Variants in KNL1 observed in about 807,000 individuals in gnomAD.
KNL1 encodes kinetochore scaffold 1, also known as outer kinetochore KNL1 complex subunit KNL1.
KNL1 carries 66 observed loss-of-function variants against 201.3 expected under a neutral mutation model. That is an observed-to-expected ratio of 0.33 (90% CI 0.27 to 0.40). The LOEUF (loss-of-function observed/expected upper bound fraction) is 0.40, where lower values mean the gene tolerates loss of function less well. Ranked by LOEUF, KNL1 falls within the 10% of genes least tolerant of loss-of-function variation. The probability of loss-of-function intolerance (pLI) is 1.00; values close to 1 mark genes in which losing one functional copy is unlikely to be tolerated. For synonymous variants in KNL1, 895 were observed against 899.2 expected (o/e 1.00, Z 0.08); for missense variants, 2,815 against 2,690.5 (o/e 1.05, Z -1.02).
At chr15:40,658,561 C>CAAAAAAAA (rs35180053) in intron 24 of KNL1, among the ~76,000 whole-genome samples, 5 of 74,144 alleles carry the variant, frequency 6.7e-5, no homozygotes, top group Non-Finnish European at 9.7e-5. Flanking sequence ...GAATCTGTCT[C>CAAAAAAAA]AAAAAAAAAA....
Position 40,623,658 on chromosome 15 carries a change from C to T in KNL1, c.3394C>T (p.His1132Tyr). 1 of 1,613,776 alleles carries T rather than the reference C, an allele frequency of 6.2e-7. No homozygotes were observed. Among genetic ancestry groups the T allele is most frequent in the African/African-American group, 1.3e-5 (1 of 74,982 alleles). ...GGATGACATGGAGATCACTAGGAGT[C>T]ACACAACTGCCTTAGAATGTAAAAC... Reference protein sequence around the residue: ...GQDDMEITRSHTTALECKTLL... With the variant: ...GQDDMEITRSYTTALECKTLL... Residue 1132 changes from histidine (H) to tyrosine (Y), a missense_variant, in exon 10 of 26, where the codon CAC (histidine) becomes TAC (tyrosine). Physicochemically the swap from His to Tyr is moderately conservative, Grantham distance 83. This residue lies in a region of KNL1 where 2,464 missense variants were observed against 2,291.7 expected (regional missense o/e 1.08). Coordinates refer to ENST00000399668, the MANE Select transcript of KNL1 (RefSeq NM_144508.5).
chr15:40,662,156 G>A lies in KNL1; in HGVS notation c.6919G>A (p.Asp2307Asn). The A allele has an allele frequency of 6.2e-7, 1 of 1,611,158 alleles. No homozygotes were observed. Among genetic ancestry groups the A allele is most frequent in the Admixed American group, 1.7e-5 (1 of 59,988 alleles). Residue 2307 changes from aspartate (D) to asparagine (N), a missense_variant, in exon 26 of 26, where the codon GAT (aspartate) becomes AAT (asparagine). This residue lies in a region of KNL1 where 334 missense variants were observed against 362.6 expected (regional missense o/e 0.92). Coordinates refer to ENST00000399668, the MANE Select transcript of KNL1 (RefSeq NM_144508.5). The part of the protein sequence containing the change: ...LKNVVKQIYQ[D>N]LFQDCHFYH ...GAATGTAGTCAAGCAAATTTACCAA[G>A]ATCTGTTTCAGGACTGCCATTTCTA...
At chr15:40,658,874 G>A (rs1893818786) in intron 24 of KNL1, among the ~76,000 whole-genome samples, 1 of 150,544 alleles carries the variant, frequency 6.6e-6, no homozygotes, top group African/African-American at 2.4e-5. Context: ...AGGTTGCAGT[G>A]AGCCGAGATT....
chr15:40,634,923 A>G lies in KNL1; in HGVS notation c.5682+5552A>G, dbSNP rs528373780. Among the ~76,000 whole-genome samples, 3 of 152,336 alleles carry G rather than the reference A, an allele frequency of 2.0e-5. No individual in the cohort carries two copies. In the South Asian group the frequency reaches 6.2e-4, roughly 32 times the overall value. ...AAATATATCTGGGAACAAACCTATC[A>G]AAATGGAAAGAGTTCAGGGTACTTC... On this transcript the variant is annotated intron_variant, in intron 13 of 25. Coordinates refer to ENST00000399668, the MANE Select transcript of KNL1 (RefSeq NM_144508.5).
chr15:40,651,559 C>T lies in KNL1; in HGVS notation c.6301C>T (p.Leu2101=). ...ACAAAGAAATAGAACTGAAGAGCTA[C>T]TGGATCAGTTGAGGTAAGGAAATGC... ...QKQRNRTEEL[L]DQLSLSEWDV... The change falls in exon 20 of 26, where the codon CTG becomes TTG. Residue 2101 remains leucine, a synonymous_variant. Coordinates refer to ENST00000399668, the MANE Select transcript of KNL1 (RefSeq NM_144508.5). 6.2e-7 allele frequency: 1 copy of T among 1,606,302 alleles called. No individual in the cohort carries two copies. Among genetic ancestry groups the T allele is most frequent in the South Asian group, 1.1e-5 (1 of 89,844 alleles).
At chr15:40,613,260 T>C (rs1210577782) in intron 7 of KNL1, among the ~76,000 whole-genome samples, 1 of 152,166 alleles carries the variant, frequency 6.6e-6, no homozygotes, top group Admixed American at 6.5e-5. Context: ...AGCGTGTGTG[T>C]GTGTGTGTAT....
At chr15:40,654,208 T>A (rs1893653012) in intron 21 of KNL1, among the ~76,000 whole-genome samples, 1 of 152,202 alleles carries the variant, frequency 6.6e-6, no homozygotes, top group Non-Finnish European at 1.5e-5. Flanking sequence ...CTATCTCAGC[T>A]ACCTAAAATG....
intron 6 of KNL1, among the ~76,000 whole-genome samples, chr15:40,611,219 C>G (rs1457436301): frequency 1.3e-5 from 2 of 151,756 alleles, no homozygotes; most frequent in Non-Finnish European, 2.9e-5. Context: ...AGCAATTCTC[C>G]TACCTCAGCC....
chr15:40,628,889 C>T (rs1413901433), intron 12 of KNL1, among the ~76,000 whole-genome samples: 1 of 151,944 alleles, frequency 6.6e-6, no homozygotes, highest in Non-Finnish European at 1.5e-5. Flanking sequence ...TTTGTTTTGG[C>T]CGGGCATGGT....
chr15:40,629,161 A>G, intron 12 of KNL1, 112 bp from the exon 13 acceptor site: 1 of 567,146 alleles, frequency 1.8e-6, no homozygotes, highest in South Asian at 2.7e-5. Context: ...TATCTGGATA[A>G]TATTTCCATA....
At position 40,624,133 on chromosome 15, in the gene KNL1, G is replaced by A; in HGVS notation, c.3869G>A (p.Ser1290Asn). 1.2e-6 allele frequency: 2 copies of A among 1,614,060 alleles called. No individual in the cohort carries two copies. The highest frequency in any genetic ancestry group is 1.7e-6 in the Non-Finnish European group (2 of 1,179,952). Residue 1290 changes from serine (S) to asparagine (N), a missense_variant, in exon 10 of 26, where the codon AGT becomes AAT. Ser to Asn is a conservative substitution (Grantham distance 46, BLOSUM62 1). Coordinates refer to ENST00000399668, the MANE Select transcript of KNL1 (RefSeq NM_144508.5). ...RDRRNVDFTS[S>N]HATAVCGSSD... ...AGAAGAAATGTGGACTTTACAAGTA[G>A]TCATGCAACTGCTGTTTGTGGATCC...
At chr15:40,617,807 C>G (rs1892390270) in intron 8 of KNL1, among the ~76,000 whole-genome samples, 3 of 151,872 alleles carry the variant, frequency 2.0e-5, no homozygotes, top group Non-Finnish European at 4.4e-5. Flanking sequence ...CCTGAACTAC[C>G]ATCTCTGAGA....
chr15:40,651,441 A>G (rs746454455), intron 19 of KNL1, 30 bp from the exon 20 acceptor site: 10 of 1,481,686 alleles, frequency 6.7e-6, no homozygotes, highest in Non-Finnish European at 9.2e-6. Flanking sequence ...CAAAAACCTT[A>G]TCTCTCTGAA....
chr15:40,596,400 C>T (rs912635407), intron 1 of KNL1, among the ~76,000 whole-genome samples: 27 of 152,196 alleles, frequency 1.8e-4, no homozygotes, highest in Admixed American at 1.2e-3. Context: ...CCTCAGCTTC[C>T]GCAGTAACTG....
Position 40,622,053 on chromosome 15 carries a change from A to G in KNL1, c.1789A>G (p.Ser597Gly), listed in dbSNP as rs1250355220. Residue 597 changes from serine (S) to glycine (G), a missense_variant, in exon 10 of 26, where the codon AGT becomes GGT. Coordinates refer to ENST00000399668, the MANE Select transcript of KNL1 (RefSeq NM_144508.5). ...PLAAYNLAPESTSESHSQSKS... is the reference protein window; with the variant it reads ...PLAAYNLAPEGTSESHSQSKS... ...TGCAGCTTATAATCTAGCACCGGAG[A>G]GTACCAGTGAATCTCACTCTCAGAG... 3.1e-6 allele frequency: 5 copies of G among 1,614,010 alleles called. No homozygotes were observed. The highest frequency in any genetic ancestry group is 3.4e-6 in the Non-Finnish European group (4 of 1,179,920).
Position 40,606,225 on chromosome 15 carries a change from T to C in KNL1, c.76-168T>C, listed in dbSNP as rs147898977. Among the ~76,000 whole-genome samples, 178 of 152,292 alleles carry C rather than the reference T, an allele frequency of 1.2e-3. 2 individuals are homozygous for C. The East Asian group carries it at 0.021, about 18-fold the overall frequency. On this transcript the variant is annotated intron_variant, in intron 3 of 25. Transcript: ENST00000399668. ...ATGGGCAGGTAGAAGGGAATAGATG[T>C]CAGATATTTAAATCTGCCACACGGT...
rs1005494069 is a variant in KNL1, at chr15:40,604,609, A to C, written c.36-501A>C. Among the ~76,000 whole-genome samples the C allele has an allele frequency of 2.0e-5, 3 of 152,216 alleles. No homozygotes were observed. In the South Asian group the frequency reaches 6.2e-4, roughly 31 times the overall value. ...GGTTTTCAGCTTCTCTTGAAAAATC[A>C]AGCGTGGCAACACTGGGCTCCTATT... is the stretch of plus-strand genomic sequence containing the variant. On this transcript the variant is annotated intron_variant, in intron 2 of 25. Transcript: ENST00000399668.
intron 11 of KNL1, 81 bp downstream of exon 11, chr15:40,628,289 T>C (rs1282699286): frequency 3.5e-6 from 5 of 1,426,646 alleles, no homozygotes; most frequent in South Asian, 1.5e-5. Flanking sequence ...TCAGGAAATA[T>C]TTGAATGTTG....
intron 13 of KNL1, among the ~76,000 whole-genome samples, chr15:40,640,637 T>A (rs1246607716): frequency 2.0e-5 from 3 of 152,146 alleles, no homozygotes; most frequent in African/African-American, 4.8e-5. Context: ...TTAGGTAATA[T>A]TTATTTTCTT....
Sources: allele counts gnomAD v4.1 joint callset (sites outside exome capture counted in the v4.1 genomes callset), GRCh38; gene constraint gnomAD v4.1.1; regional missense constraint gnomAD v4.1.1; transcripts MANE v1.5; gene names NCBI Gene and HGNC (gene_info 2026-07-23, HGNC 2026-07-21).